TNFAIP8: variants seen among roughly 807,000 people sequenced by gnomAD.
TNFAIP8 encodes TNF alpha induced protein 8.
Under a neutral mutation model 13.3 loss-of-function variants are expected in TNFAIP8, and 7 were observed. The ratio of observed to expected loss-of-function variants is 0.52; its 90% CI spans 0.30 to 0.99. The LOEUF (loss-of-function observed/expected upper bound fraction) is 0.99. Ranked by LOEUF, TNFAIP8 falls within the 50% of genes least tolerant of loss-of-function variation. The pLI, the probability that TNFAIP8 is intolerant of heterozygous loss-of-function variation, is 0.07. For synonymous variants in TNFAIP8, 94 were observed against 87.6 expected (o/e 1.07, Z -0.41); for missense variants, 258 against 236.9 (o/e 1.09, Z -0.58).
chr5:119,294,309 T>C (rs9327096), intron 1 of TNFAIP8, among the ~76,000 whole-genome samples: 102,420 of 151,442 alleles, frequency 0.68, 37,940 homozygotes, highest in East Asian at 0.89. Flanking sequence ...TGGTTTTTTG[T>C]CCTTGCCATA....
chr5:119,335,423 G>A (rs7725244), intron 1 of TNFAIP8, among the ~76,000 whole-genome samples: 11,255 of 152,128 alleles, frequency 0.074, 479 homozygotes, highest in African/African-American at 0.11. Context: ...GGTATGGAGC[G>A]AGCAGGAAGC....
At chr5:119,340,946 G>A (rs969090184) in intron 1 of TNFAIP8, among the ~76,000 whole-genome samples, 2 of 152,186 alleles carry the variant, frequency 1.3e-5, no homozygotes, top group African/African-American at 4.8e-5. Flanking sequence ...GGGACATCCA[G>A]ATGTCGGGGT....
intron 1 of TNFAIP8, among the ~76,000 whole-genome samples, chr5:119,367,134 A>C (rs1751889642): frequency 6.6e-6 from 1 of 152,252 alleles, no homozygotes; most frequent in African/African-American, 2.4e-5. Flanking sequence ...TCTTTCCCAA[A>C]GATGAGTTCT....
chr5:119,352,665 T>C (rs1751213280), upstream of TNFAIP8, among the ~76,000 whole-genome samples: 1 of 152,146 alleles, frequency 6.6e-6, no homozygotes, highest in Non-Finnish European at 1.5e-5. Flanking sequence ...TTAACAGACA[T>C]CTGGGGAGCT....
intron 1 of TNFAIP8, among the ~76,000 whole-genome samples, chr5:119,300,191 G>A (rs1464370766): frequency 6.6e-6 from 1 of 152,206 alleles, no homozygotes; most frequent in Non-Finnish European, 1.5e-5. Context: ...GAAATCACCT[G>A]TCTTCTGTGT....
upstream of TNFAIP8, chr5:119,354,373 G>T (rs1376210026): frequency 6.6e-6 from 1 of 152,148 alleles, no homozygotes; most frequent in Non-Finnish European, 1.5e-5. Context: ...TGCTCTTTCA[G>T]TGAAATTGAG....
chr5:119,372,661 T>A lies in TNFAIP8; in HGVS notation c.31+16540T>A, dbSNP rs181789193. Among the ~76,000 whole-genome samples the A allele has an allele frequency of 7.3e-3, 1,118 of 152,316 alleles. 4 individuals are homozygous for A. The highest frequency in any genetic ancestry group is 0.018 in the South Asian group (87 of 4,828). ...CATAAATTGTATCTTAACATTTTTT[T>A]AAAAAATTATGTTAGTGGCTGGGCA... is the stretch of plus-strand genomic sequence containing the variant. On this transcript the variant is annotated intron_variant, in intron 1 of 1. Coordinates refer to ENST00000504771, the MANE Select transcript of TNFAIP8 (RefSeq NM_014350.4).
chr5:119,354,744 T>C (rs1751316565), upstream of TNFAIP8: 2 of 152,918 alleles, frequency 1.3e-5, no homozygotes, highest in Admixed American at 1.3e-4. Flanking sequence ...GTCATACAAA[T>C]GATAGATGGC....
At chr5:119,299,731 G>A (rs191184520) in intron 1 of TNFAIP8, among the ~76,000 whole-genome samples, 4,824 of 152,284 alleles carry the variant, frequency 0.032, 268 homozygotes, top group African/African-American at 0.11. Context: ...ACAGAGGCAG[G>A]CAGGCCTCCT....
At chr5:119,342,105 C>T (rs765354816) in intron 1 of TNFAIP8, among the ~76,000 whole-genome samples, 6 of 152,158 alleles carry the variant, frequency 3.9e-5, no homozygotes, top group Non-Finnish European at 7.3e-5. Flanking sequence ...AGTCATCCAC[C>T]GGCTTTTCCT....
chr5:119,278,388 T>A (rs755316245), intron 1 of TNFAIP8, among the ~76,000 whole-genome samples: 6,317 of 141,234 alleles, frequency 0.045, 176 homozygotes, highest in Non-Finnish European at 0.062. Flanking sequence ...TGTGTGTGTG[T>A]GTGTGTGTGT....
chr5:119,313,427 C>T (rs1427444416), intron 1 of TNFAIP8, among the ~76,000 whole-genome samples: 1 of 152,102 alleles, frequency 6.6e-6, no homozygotes, highest in African/African-American at 2.4e-5. Context: ...TTTGCTTTCA[C>T]TTTCTTGAGA....
At chr5:119,386,070 C>A (rs1340692137) in intron 1 of TNFAIP8, among the ~76,000 whole-genome samples, 1 of 152,148 alleles carries the variant, frequency 6.6e-6, no homozygotes, top group Non-Finnish European at 1.5e-5. Context: ...TTCCAGGACC[C>A]TGGGGAAATA....
intron 1 of TNFAIP8, among the ~76,000 whole-genome samples, chr5:119,331,565 A>G (rs1750381655): frequency 6.6e-6 from 1 of 152,192 alleles, no homozygotes; most frequent in Non-Finnish European, 1.5e-5. Context: ...AGAGGTGCCC[A>G]CTGGATACAT....
intron 1 of TNFAIP8, among the ~76,000 whole-genome samples, chr5:119,388,222 A>G (rs968544183): frequency 1.3e-5 from 2 of 152,254 alleles, no homozygotes; most frequent in African/African-American, 4.8e-5. Flanking sequence ...CCTCTTTAAA[A>G]GAACTGGTTG....
chr5:119,285,191 A>T (rs934584879), intron 1 of TNFAIP8, among the ~76,000 whole-genome samples: 8 of 152,344 alleles, frequency 5.3e-5, no homozygotes, highest in African/African-American at 1.9e-4. Flanking sequence ...GACTGGGTAT[A>T]TAATATTGCT....
chr5:119,358,397 C>T lies in TNFAIP8; in HGVS notation c.31+2276C>T, dbSNP rs74539346. On this transcript the variant is annotated intron_variant, in intron 1 of 1. Transcript: ENST00000504771. The stretch of plus-strand genomic sequence containing the variant: ...GCTTAAAACATACTTGACTCTGTGC[C>T]AGGGGTGCTGGATATTTGTCCCCAG... 5.6e-4 allele frequency among the ~76,000 whole-genome samples: 85 copies of T among 152,244 alleles called. 4 individuals carry two copies. The South Asian group carries it at 0.017, about 30-fold the overall frequency.
At chr5:119,287,060 C>T (rs1046897955) in intron 1 of TNFAIP8, among the ~76,000 whole-genome samples, 1 of 152,152 alleles carries the variant, frequency 6.6e-6, no homozygotes, top group Admixed American at 6.5e-5. Flanking sequence ...CCCATTGCTT[C>T]TCTTTCCTGG....
chr5:119,390,203 A>C (rs1249620697), intron 1 of TNFAIP8, among the ~76,000 whole-genome samples: 1 of 151,684 alleles, frequency 6.6e-6, no homozygotes, highest in Non-Finnish European at 1.5e-5. Context: ...TAAAACATTA[A>C]AAAAAAACAC....
Sources: allele counts gnomAD v4.1 joint callset (sites outside exome capture counted in the v4.1 genomes callset), GRCh38; gene constraint gnomAD v4.1.1; transcripts MANE v1.5; gene names NCBI Gene and HGNC (gene_info 2026-07-23, HGNC 2026-07-21).